Variants in WIPF1 observed in about 807,000 individuals in gnomAD.
WIPF1 encodes WAS/WASL-interacting protein family member 1.
A neutral mutation model predicts 35.4 loss-of-function variants in WIPF1; 13 were observed. The ratio of observed to expected loss-of-function variants is 0.37; its 90% CI spans 0.24 to 0.58. The LOEUF is 0.58. Ranked by LOEUF, WIPF1 falls within the 20% of genes least tolerant of loss-of-function variation. The probability of loss-of-function intolerance (pLI) is 0.74; values close to 1 mark genes in which losing one functional copy is unlikely to be tolerated. For missense variants in WIPF1, 591 were observed against 667.0 expected, an observed-to-expected ratio of 0.89 and a Z score of 1.25; for synonymous variants, 267 against 266.3, an observed-to-expected ratio of 1.00 and a Z score of -0.02.
chr2:174,567,763 G>A, intron 6 of WIPF1, 98 bp downstream of exon 6: 2 of 1,332,082 alleles, frequency 1.5e-6, no homozygotes, highest in Non-Finnish European at 2.1e-6. Flanking sequence ...GATAATGATG[G>A]AACAAGAAAT....
intron 1 of WIPF1, among the ~76,000 whole-genome samples, chr2:174,624,169 C>T (rs1018362529): frequency 3.9e-5 from 6 of 152,240 alleles, no homozygotes; most frequent in Non-Finnish European, 1.5e-5. Context: ...AACCTTTCAT[C>T]TCCTCTGGGC....
At chr2:174,670,951 G>A (rs1688004805) in intron 1 of WIPF1, among the ~76,000 whole-genome samples, 1 of 152,208 alleles carries the variant, frequency 6.6e-6, no homozygotes, top group Non-Finnish European at 1.5e-5. Flanking sequence ...TACAAAGGCT[G>A]ACACATACTG....
rs192632426 is a variant in WIPF1 at position 174,653,914 on chromosome 2, T to C, written c.-39+28860A>G. 2.3e-3 allele frequency among the ~76,000 whole-genome samples: 346 copies of C among 152,254 alleles called. 1 individual carries two copies. The highest frequency in any genetic ancestry group is 3.9e-3 in the Non-Finnish European group (268 of 68,006). ...CCATCAGCAAGGTGCTACTCACATA[T>C]TTATCAGAGAAAGCACAAGTCATGG... On this transcript the variant is annotated intron_variant, in intron 1 of 8. Transcript: ENST00000272746.
chr2:174,674,618 C>A (rs1688090343), intron 1 of WIPF1, among the ~76,000 whole-genome samples: 1 of 151,664 alleles, frequency 6.6e-6, no homozygotes, highest in Non-Finnish European at 1.5e-5. Flanking sequence ...TAAGAAATTA[C>A]AAAATTAAGC....
chr2:174,653,743 A>G (rs1262926655), intron 1 of WIPF1, among the ~76,000 whole-genome samples: 1 of 143,828 alleles, frequency 7.0e-6, no homozygotes, highest in Non-Finnish European at 1.5e-5. Context: ...CTCTGTCTCA[A>G]AAAAAAAAAA....
chr2:174,582,129 T>C (rs1685261653), intron 2 of WIPF1, among the ~76,000 whole-genome samples: 1 of 152,230 alleles, frequency 6.6e-6, no homozygotes, highest in African/African-American at 2.4e-5. Context: ...CCTCATGTCC[T>C]GTTGGCATGA....
Position 174,622,575 on chromosome 2 carries a change from G to T in WIPF1, c.-38-36964C>A, listed in dbSNP as rs919358907. The stretch of plus-strand genomic sequence containing the variant: ...AGGATCCCCTCTCTATGCCGCCAGT[G>T]CTCCGTGGGGTGCGCCTATCCTAAC... On this transcript the variant is annotated intron_variant, in intron 1 of 8. Coordinates refer to the WIPF1 transcript ENST00000272746. The surrounding 1 kb of genome is among the most constrained non-coding windows in gnomAD (Gnocchi z 5.1). Among the ~76,000 whole-genome samples, 5 of 152,158 alleles carry T rather than the reference G, an allele frequency of 3.3e-5. No individual in the cohort carries two copies. The highest frequency in any genetic ancestry group is 5.9e-5 in the Non-Finnish European group (4 of 68,026).
At chr2:174,664,411 T>C (rs1373196569) in intron 1 of WIPF1, among the ~76,000 whole-genome samples, 1 of 152,148 alleles carries the variant, frequency 6.6e-6, no homozygotes, top group East Asian at 1.9e-4. Flanking sequence ...AAAGACTCCA[T>C]TTAGGATCCA....
At chr2:174,679,821 C>T (rs1179309925) in intron 1 of WIPF1, among the ~76,000 whole-genome samples, 1 of 152,178 alleles carries the variant, frequency 6.6e-6, no homozygotes, top group Non-Finnish European at 1.5e-5. Flanking sequence ...ATAATACCTA[C>T]AGAGTGAGGA....
rs376983969 is a variant in WIPF1, at chr2:174,622,929, G to T, written c.-38-37318C>A. 6.6e-6 allele frequency among the ~76,000 whole-genome samples: 1 copy of T among 152,098 alleles called. No individual in the cohort carries two copies. The highest frequency in any genetic ancestry group is 2.1e-4 in the South Asian group (1 of 4,834). On this transcript the variant is annotated intron_variant, in intron 1 of 8. Transcript: ENST00000272746. The surrounding 1 kb of genome is among the most constrained non-coding windows in gnomAD (Gnocchi z 5.1). ...CCTCCTAAGAGGTGTTCTATTTGTT[G>T]TTGTTAACAAAATGATTTTCAATTA...
rs1684504723 is a variant in WIPF1, at chr2:174,562,295, C to T, written c.*252G>A. 1 of 1,510,890 alleles carries T rather than the reference C, an allele frequency of 6.6e-7. No homozygotes were observed. The highest frequency in any genetic ancestry group is 8.9e-7 in the Non-Finnish European group (1 of 1,126,088). The allele number at this position is 1,510,890 out of a possible 1,614,324, so 93.6% of individuals were successfully genotyped here. ...CATCTCTGCCTATTACGACAAAAGC[C>T]TATCGACCCCAGCAGCCAGCACAGG... On this transcript the variant is annotated 3_prime_UTR_variant, in exon 8 of 8. Coordinates refer to ENST00000679041, the MANE Select transcript of WIPF1 (RefSeq NM_001375834.1).
chr2:174,588,938 C>T (rs927615342), intron 1 of WIPF1, among the ~76,000 whole-genome samples: 1 of 152,196 alleles, frequency 6.6e-6, no homozygotes, highest in East Asian at 1.9e-4. Flanking sequence ...CACTCCCCTC[C>T]AGATTAACTG....
At chr2:174,581,200 C>T in intron 3 of WIPF1, 110 bp downstream of exon 3, 1 of 1,463,972 alleles carries the variant, frequency 6.8e-7, no homozygotes, top group Non-Finnish European at 9.2e-7. Flanking sequence ...AGCTTTGCAG[C>T]TGTTGTTAAC....
Position 174,572,124 on chromosome 2 carries a change from G to A in WIPF1, c.681C>T (p.Gly227=). ...GTATTGAGCCTCCTCCCAAAGCAGT[G>A]CCGCGGTTTCCAGGGAAAGGGGGAG... The part of the protein sequence containing the change: ...PTPPPFPGNR[G]TALGGGSIRQ... Residue 227 remains glycine, a synonymous_variant, in exon 5 of 8, where the codon GGC becomes GGT. Coordinates refer to ENST00000679041, the MANE Select transcript of WIPF1 (RefSeq NM_001375834.1). 6.2e-7 allele frequency: 1 copy of A among 1,609,194 alleles called. No homozygotes were observed. The highest frequency in any genetic ancestry group is 8.5e-7 in the Non-Finnish European group (1 of 1,177,592).
rs1685578470 is a variant in WIPF1, at chr2:174,590,777, GAATT to G, written c.-38-5170_-38-5167del. ...AACTTTTAAGAAGTCACACTTTTCAGAATTAATTTCTTTTTAAGAATAATTTCAA... is the reference window on the plus strand; with the variant it reads ...AACTTTTAAGAAGTCACACTTTTCAGAATTTCTTTTTAAGAATAATTTCAA... On this transcript the variant is annotated intron_variant, in intron 1 of 7. Transcript: ENST00000679041. This position sits in a 1 kb window ranked among gnomAD's most constrained non-coding sequence, Gnocchi z 4.6. Among the ~76,000 whole-genome samples, 1 of 152,156 alleles carries G rather than the reference GAATT, an allele frequency of 6.6e-6. No individual in the cohort carries two copies.
rs370300424 is a variant in WIPF1, at chr2:174,564,608, G to C, written c.1457-2006C>G. Among the ~76,000 whole-genome samples the C allele has an allele frequency of 1.2e-3, 179 of 152,232 alleles. 5 individuals are homozygous for C. In the South Asian group the frequency reaches 0.037, roughly 31 times the overall value. ...GAGGATGGGAGAAGATATATGCTTA[G>C]CTATTCCATTAAAGATCTAGAGGGT... On this transcript the variant is annotated intron_variant, in intron 7 of 7. Coordinates refer to ENST00000679041, the MANE Select transcript of WIPF1 (RefSeq NM_001375834.1).
At chr2:174,670,151 C>G (rs1477113358) in intron 1 of WIPF1, among the ~76,000 whole-genome samples, 1 of 152,110 alleles carries the variant, frequency 6.6e-6, no homozygotes, top group Non-Finnish European at 1.5e-5. Flanking sequence ...AGCAGCCACA[C>G]AGATGAAGAT....
chr2:174,657,113 C>A (rs10803884), intron 1 of WIPF1, among the ~76,000 whole-genome samples: 118,675 of 152,226 alleles, frequency 0.78, 46,570 homozygotes, highest in East Asian at 0.97. Flanking sequence ...CAGACTGCTA[C>A]ATTTATACTG....
At chr2:174,638,301 G>A (rs1247155040) in intron 1 of WIPF1, among the ~76,000 whole-genome samples, 1 of 152,056 alleles carries the variant, frequency 6.6e-6, no homozygotes, top group East Asian at 1.9e-4. Flanking sequence ...ACACATTTAT[G>A]GGGTACAATG....
Sources: gnomAD v4.1 joint callset for allele counts (sites outside exome capture counted in the v4.1 genomes callset) on GRCh38, gnomAD v4.1.1 for gene constraint, Gnocchi (gnomAD v3.1) non-coding constraint, MANE v1.5 for transcripts, NCBI Gene and HGNC (gene_info 2026-07-23, HGNC 2026-07-21) for gene names.